The following ZNF783 variants were observed in gnomAD, a reference collection of about 807,000 sequenced individuals.
ZNF783 encodes the protein protein ZNF783.
A neutral mutation model predicts 31.3 loss-of-function variants in ZNF783; 25 were observed. That is an observed-to-expected ratio of 0.80 (90% CI 0.58 to 1.11). The LOEUF is 1.11. Among genes scored for constraint, ZNF783 ranks in the 50% most tolerant of loss-of-function variants. The pLI, the probability that ZNF783 is intolerant of heterozygous loss-of-function variation, is 0.00. For missense variants in ZNF783, 797 were observed against 760.0 expected, an observed-to-expected ratio of 1.05 and a Z score of -0.57; for synonymous variants, 369 against 319.1, an observed-to-expected ratio of 1.16 and a Z score of -1.66.
intron 4 of ZNF783, among the ~76,000 whole-genome samples, chr7:149,267,445 T>C (rs62505137): frequency 0.19 from 29,180 of 152,222 alleles, 2,983 homozygotes; most frequent in Admixed American, 0.31. Flanking sequence ...ACACTCACCT[T>C]ACGTGGTTGT....
At chr7:149,272,284 A>G (rs1470975268) in intron 4 of ZNF783, among the ~76,000 whole-genome samples, 2 of 152,140 alleles carry the variant, frequency 1.3e-5, no homozygotes, top group African/African-American at 4.8e-5. Flanking sequence ...CAAAGTGTTG[A>G]GATTACATAT....
At chr7:149,269,000 T>C (rs1797151078) in intron 4 of ZNF783, among the ~76,000 whole-genome samples, 1 of 152,250 alleles carries the variant, frequency 6.6e-6, no homozygotes, top group Non-Finnish European at 1.5e-5. Flanking sequence ...AGTTCTGTTT[T>C]AAGTCCCTTG....
At chr7:149,270,349 C>CA (rs1797182626) in intron 4 of ZNF783, among the ~76,000 whole-genome samples, 1 of 152,130 alleles carries the variant, frequency 6.6e-6, no homozygotes, top group Admixed American at 6.6e-5. Context: ...AGGCTGGTCT[C>CA]AAACTCTTGG....
intron 4 of ZNF783, among the ~76,000 whole-genome samples, chr7:149,270,462 C>A (rs2373524): frequency 0.082 from 12,524 of 152,252 alleles, 548 homozygotes; most frequent in African/African-American, 0.11. Flanking sequence ...ATGCTTAATT[C>A]TTTCCTTTAT....
chr7:149,278,697 G>C (rs898378856), intron 5 of ZNF783, among the ~76,000 whole-genome samples, 170 bp downstream of exon 5: 1 of 152,186 alleles, frequency 6.6e-6, no homozygotes, highest in African/African-American at 2.4e-5. Context: ...CCTGAGACAG[G>C]CCTAAAAGAA....
intron 1 of ZNF783, among the ~76,000 whole-genome samples, chr7:149,262,567 C>T (rs936560808): frequency 2.0e-5 from 3 of 152,238 alleles, no homozygotes. Context: ...GCCCCGACGT[C>T]AGCGGCTGAC....
At chr7:149,268,909 C>T (rs781141196) in intron 4 of ZNF783, among the ~76,000 whole-genome samples, 2 of 152,126 alleles carry the variant, frequency 1.3e-5, no homozygotes, top group Non-Finnish European at 2.9e-5. Flanking sequence ...GATGAACATA[C>T]GTGTGCATGT....
intron 4 of ZNF783, chr7:149,277,973 C>G (rs553011448): frequency 2.7e-4 from 59 of 218,818 alleles, no homozygotes; most frequent in African/African-American, 1.2e-3. Context: ...CCTTGACGCT[C>G]CTAACGCCAT....
intron 1 of ZNF783, among the ~76,000 whole-genome samples, chr7:149,263,194 T>G (rs1348799849): frequency 6.6e-6 from 1 of 151,898 alleles, no homozygotes; most frequent in East Asian, 1.9e-4. Context: ...CCCAAAGTGC[T>G]GGGATTACAG....
At position 149,262,272 on chromosome 7, in the gene ZNF783, G is replaced by A. The variant is rs912334294; in HGVS notation, c.-62G>A. On this transcript the variant is annotated 5_prime_UTR_variant, in exon 1 of 6. Coordinates refer to ENST00000434415, the MANE Select transcript of ZNF783 (RefSeq NM_001195220.2). The stretch of plus-strand genomic sequence containing the variant: ...GCTCCGCTTCCGCCGTCGCTGCCGC[G>A]CCGCCCCGGGCCCGACAGGCCGGGT... 5.3e-6 allele frequency: 7 copies of A among 1,312,806 alleles called. No homozygotes were observed. 81.3% of individuals were successfully genotyped at this position (1,312,806 alleles called of 1,614,324 possible).
rs764239191 is a variant in ZNF783, at chr7:149,266,497, C to G, written c.187C>G (p.Arg63Gly). 2 of 1,613,626 alleles carry G rather than the reference C, an allele frequency of 1.2e-6. No homozygotes were observed. Among genetic ancestry groups the G allele is most frequent in the Non-Finnish European group, 1.7e-6 (2 of 1,180,014 alleles). ...GAAGAAGGTGGATTCCTGCCTGACC[C>G]GCTTGCTGACTCTGGAGGGGCGCAC... ...LEKKVDSCLT[R>G]LLTLEGRTGT... The change falls in exon 2 of 6, where the codon CGC (arginine) becomes GGC (glycine). Residue 63 changes from arginine to glycine, a missense_variant. Coordinates refer to ENST00000434415, the MANE Select transcript of ZNF783 (RefSeq NM_001195220.2).
chr7:149,281,828 C>T lies in ZNF783; in HGVS notation c.1126C>T (p.Arg376Trp), dbSNP rs573291734. The part of the protein sequence containing the change: ...IHQRTHVEEG[R>W]QEAPGRSPTS... Reference sequence around the variant, plus strand: ...TCAGCGGACCCATGTGGAGGAGGGGCGGCAGGAGGCCCCCGGCCGCTCGCC... The same window carrying T: ...TCAGCGGACCCATGTGGAGGAGGGGTGGCAGGAGGCCCCCGGCCGCTCGCC... Residue 376 changes from arginine (R) to tryptophan (W), a missense_variant, in exon 6 of 6, where the codon CGG (arginine) becomes TGG (tryptophan). Arg to Trp is a moderately radical substitution (Grantham distance 101). Coordinates refer to ENST00000434415, the MANE Select transcript of ZNF783 (RefSeq NM_001195220.2). The T allele has an allele frequency of 5.3e-6, 8 of 1,504,482 alleles. No homozygotes were observed. Among genetic ancestry groups the T allele is most frequent in the Non-Finnish European group, 3.5e-6 (4 of 1,137,096 alleles). 93.2% of individuals were successfully genotyped at this position (1,504,482 alleles called of 1,614,324 possible).
rs1325920809 is a variant in ZNF783, at chr7:149,277,548, G to A, written c.674-851G>A. Among the ~76,000 whole-genome samples the A allele has an allele frequency of 2.6e-5, 4 of 152,026 alleles. No individual in the cohort carries two copies. The East Asian group carries it at 7.7e-4, about 29-fold the overall frequency. ...AGGTCAGGAGTTCAAGACCAGCCTGGCCAAGATGGTGGAACCCCGTCTCTA... is the reference window on the plus strand; with the variant it reads ...AGGTCAGGAGTTCAAGACCAGCCTGACCAAGATGGTGGAACCCCGTCTCTA... On this transcript the variant is annotated intron_variant, in intron 4 of 5. Coordinates refer to ENST00000434415, the MANE Select transcript of ZNF783 (RefSeq NM_001195220.2).
chr7:149,270,405 T>C (rs929671280), intron 4 of ZNF783, among the ~76,000 whole-genome samples: 1 of 152,218 alleles, frequency 6.6e-6, no homozygotes, highest in African/African-American at 2.4e-5. Flanking sequence ...GCTAGTCAGC[T>C]TTTTTAGTTA....
intron 4 of ZNF783, among the ~76,000 whole-genome samples, chr7:149,268,608 C>A (rs894759250): frequency 1.3e-5 from 2 of 152,198 alleles, no homozygotes; most frequent in African/African-American, 4.8e-5. Context: ...TCTTTCCCTT[C>A]CCCCTGTAGT....
intron 5 of ZNF783, among the ~76,000 whole-genome samples, chr7:149,280,699 G>A (rs1215230774): frequency 1.3e-5 from 2 of 151,458 alleles, no homozygotes; most frequent in Non-Finnish European, 3.0e-5. Flanking sequence ...TCCACAGTCT[G>A]TGTCCCTCTG....
rs1224672196 is a variant in ZNF783, at chr7:149,267,138, A to AG, written c.593dup (p.Glu199ArgfsTer6). 6.3e-7 allele frequency: 1 copy of AG among 1,599,186 alleles called. No homozygotes were observed. The highest frequency in any genetic ancestry group is 8.5e-7 in the Non-Finnish European group (1 of 1,179,766). The stretch of plus-strand genomic sequence containing the variant: ...ACCAGACATCCTCACCCGGATAGAG[A>AG]GGGGAGAGGAGCCTTGTCTTGACCG... On this transcript the variant is annotated frameshift_variant, in exon 4 of 6. Coordinates refer to ENST00000434415, the MANE Select transcript of ZNF783 (RefSeq NM_001195220.2). LOFTEE classifies it high-confidence loss of function.
In ZNF783 at chr7:149,266,547, C is replaced by T. The variant is rs371680613; in HGVS notation, c.237C>T (p.Ala79=). The T allele has an allele frequency of 5.2e-5, 84 of 1,614,124 alleles. No individual in the cohort carries two copies. Among genetic ancestry groups the T allele is most frequent in the Non-Finnish European group, 6.8e-5 (80 of 1,180,030 alleles). ...GRTGTAEKKL[A]DCEKTAVEFG... is the part of the protein sequence containing the mutation. The stretch of plus-strand genomic sequence containing the variant: ...CGGGGACAGCCGAGAAGAAGCTGGC[C>T]GACTGCGAGAAGACAGCTGTGGAGT... The change falls in exon 2 of 6, where the codon GCC becomes GCT. Residue 79 remains alanine, a synonymous_variant. Coordinates refer to ENST00000434415, the MANE Select transcript of ZNF783 (RefSeq NM_001195220.2).
intron 1 of ZNF783, among the ~76,000 whole-genome samples, chr7:149,265,085 A>G (rs566167570): frequency 1.8e-4 from 27 of 152,218 alleles, no homozygotes; most frequent in Middle Eastern, 6.8e-3. Context: ...CTTGGACTAG[A>G]CACTGGCAGT....
Sources: gnomAD v4.1 joint callset for allele counts (sites outside exome capture counted in the v4.1 genomes callset) on GRCh38, gnomAD v4.1.1 for gene constraint, MANE v1.5 for transcripts, NCBI Gene and HGNC (gene_info 2026-07-23, HGNC 2026-07-21) for gene names.